Variants in MCTP2 observed in about 807,000 individuals in gnomAD.
The protein encoded by MCTP2 is multiple C2 and transmembrane domain-containing protein 2.
MCTP2 carries 132 observed loss-of-function variants against 111.6 expected under a neutral mutation model. The observed-to-expected ratio is 1.18, with a 90% CI of 1.03 to 1.37. MCTP2 has a LOEUF of 1.37. Among genes scored for constraint, MCTP2 ranks in the 40% most tolerant of loss-of-function variants. The pLI is 0.00. For missense variants in MCTP2, 1,183 were observed against 1,067.9 expected (o/e 1.11, Z -1.50); for synonymous variants, 395 against 387.7 (o/e 1.02, Z -0.22).
At chr15:94,429,389 A>G (rs2083055998) in intron 17 of MCTP2, among the ~76,000 whole-genome samples, 1 of 152,148 alleles carries the variant, frequency 6.6e-6, no homozygotes, top group South Asian at 2.1e-4. Context: ...TCAAAGAGTT[A>G]TGTCTCCTGT....
chr15:94,424,232 C>T (rs957973091), intron 17 of MCTP2, among the ~76,000 whole-genome samples: 1 of 152,000 alleles, frequency 6.6e-6, no homozygotes, highest in African/African-American at 2.4e-5. Context: ...TAGCGTATAG[C>T]TGTATGAGTA....
chr15:94,303,139 A>AGTT, intron 2 of MCTP2, among the ~76,000 whole-genome samples: 4 of 147,214 alleles, frequency 2.7e-5, no homozygotes, highest in Admixed American at 6.8e-5. Flanking sequence ...GTTTATATAT[A>AGTT]TATATATATA....
rs1289234134 is a variant in MCTP2, at chr15:94,470,352, C to A, written c.2380C>A (p.Pro794Thr). The A allele has an allele frequency of 4.4e-6, 7 of 1,603,464 alleles. No homozygotes were observed. In the South Asian group the frequency reaches 4.4e-5, roughly 10 times the overall value. Residue 794 changes from proline (P) to threonine (T), a missense_variant, in exon 21 of 23, where the codon CCC (proline) becomes ACC (threonine). Physicochemically the swap from Pro to Thr is conservative, Grantham distance 38. Transcript: ENST00000357742. ...CTACAGCACATTTAACTGGACGGTCCCCTTCCTTTCATCTCTGGCCTGTTT... is the reference window on the plus strand; with the variant it reads ...CTACAGCACATTTAACTGGACGGTCACCTTCCTTTCATCTCTGGCCTGTTT... The part of the protein sequence containing the change: ...RIKNTFNWTV[P>T]FLSSLACLIL...
At chr15:94,303,148 T>G (rs2075723096) in intron 2 of MCTP2, among the ~76,000 whole-genome samples, 1 of 119,016 alleles carries the variant, frequency 8.4e-6, no homozygotes, top group Admixed American at 8.9e-5. Context: ...TATATATATA[T>G]AGTTCTGTCT....
At chr15:94,289,075 GAAA>G (rs1190736168) in intron 1 of MCTP2, among the ~76,000 whole-genome samples, 2 of 152,186 alleles carry the variant, frequency 1.3e-5, no homozygotes, top group East Asian at 3.8e-4. Flanking sequence ...AAGGAAAGGA[GAAA>G]GTGAGTAAGC....
chr15:94,307,361 G>T (rs2075932148), intron 2 of MCTP2, among the ~76,000 whole-genome samples: 1 of 152,104 alleles, frequency 6.6e-6, no homozygotes, highest in Admixed American at 6.5e-5. Context: ...GAGGAGGTGA[G>T]GAAGTGGGTT....
chr15:94,412,810 C>G (rs1216672480), intron 17 of MCTP2, among the ~76,000 whole-genome samples: 1 of 152,028 alleles, frequency 6.6e-6, no homozygotes, highest in Non-Finnish European at 1.5e-5. Context: ...CCGAGACCCT[C>G]AATTTTTTTT....
Position 94,369,710 on chromosome 15 carries a change from G to C in MCTP2, c.1489-377G>C, listed in dbSNP as rs530828868. Among the ~76,000 whole-genome samples the C allele has an allele frequency of 3.9e-5, 6 of 152,282 alleles. No individual in the cohort carries two copies. In the South Asian group the frequency reaches 1.0e-3, roughly 26 times the overall value. The stretch of plus-strand genomic sequence containing the variant: ...TTTGTACTAACTAGGTCAGAATAAT[G>C]TTGTGTTTCAGAGTGATTTAACAGT... On this transcript the variant is annotated intron_variant, in intron 11 of 22. Transcript: ENST00000357742.
At chr15:94,342,646 A>G (rs2077714487) in intron 7 of MCTP2, 1 of 151,670 alleles carries the variant, frequency 6.6e-6, no homozygotes, top group Non-Finnish European at 1.5e-5. Flanking sequence ...TTGTCTCCAT[A>G]TATACGCATA....
At chr15:94,296,375 C>A (rs1265384237) in intron 1 of MCTP2, among the ~76,000 whole-genome samples, 2 of 152,156 alleles carry the variant, frequency 1.3e-5, no homozygotes, top group Non-Finnish European at 2.9e-5. Flanking sequence ...TGACCCAATA[C>A]AAAGTAATTG....
intron 1 of MCTP2, among the ~76,000 whole-genome samples, chr15:94,279,127 A>AG (rs1316845071): frequency 3.9e-5 from 6 of 152,152 alleles, no homozygotes; most frequent in Admixed American, 2.0e-4. Flanking sequence ...TAGGAATTTT[A>AG]GAATAGTTTT....
rs367759823 is a variant in MCTP2 at position 94,481,822 on chromosome 15, C to T, written c.*2788C>T. Reference sequence around the variant, plus strand: ...TAAATACATGTTTAACAGGCCAGGTCGTAGAGATTATTTTTCTTTCTCTGC... The same window carrying T: ...TAAATACATGTTTAACAGGCCAGGTTGTAGAGATTATTTTTCTTTCTCTGC... On this transcript the variant is annotated 3_prime_UTR_variant, in exon 23 of 23. Coordinates refer to ENST00000357742, the MANE Select transcript of MCTP2 (RefSeq NM_001385001.1). 2.6e-5 allele frequency: 4 copies of T among 152,222 alleles called. No individual in the cohort carries two copies. Among genetic ancestry groups the T allele is most frequent in the Non-Finnish European group, 5.9e-5 (4 of 68,052 alleles). 9.4% of individuals were successfully genotyped at this position (152,222 alleles called of 1,614,324 possible). A position where few individuals can be genotyped will look rare whatever the true frequency, so the allele number is the denominator to read the frequency against.
intron 4 of MCTP2, among the ~76,000 whole-genome samples, chr15:94,335,514 G>T (rs938679912): frequency 1.3e-5 from 2 of 152,008 alleles, no homozygotes; most frequent in African/African-American, 4.8e-5. Context: ...ATAATAAAGG[G>T]GCTCATTTAA....
intron 17 of MCTP2, among the ~76,000 whole-genome samples, chr15:94,410,281 A>G (rs2152484788): frequency 6.6e-6 from 1 of 152,248 alleles, no homozygotes. Flanking sequence ...GTTCAATGAC[A>G]GGGTGGAAAT....
intron 21 of MCTP2, among the ~76,000 whole-genome samples, chr15:94,473,498 T>G (rs2074096208): frequency 6.6e-6 from 1 of 152,234 alleles, no homozygotes; most frequent in African/African-American, 2.4e-5. Context: ...GTCACTTACA[T>G]GAAGTATGTA....
At chr15:94,461,452 T>TC (rs1243844047) in intron 20 of MCTP2, among the ~76,000 whole-genome samples, 1 of 152,062 alleles carries the variant, frequency 6.6e-6, no homozygotes, top group Non-Finnish European at 1.5e-5. Flanking sequence ...AGAGTGAGAC[T>TC]CCAGCTCAAA....
chr15:94,418,252 C>G (rs1316100033), intron 17 of MCTP2, among the ~76,000 whole-genome samples: 1 of 152,084 alleles, frequency 6.6e-6, no homozygotes, highest in Non-Finnish European at 1.5e-5. Flanking sequence ...TGGACTTCTC[C>G]CATGGAGGGC....
chr15:94,267,115 A>G (rs903151828), intron 1 of MCTP2, among the ~76,000 whole-genome samples: 1 of 152,232 alleles, frequency 6.6e-6, no homozygotes, highest in African/African-American at 2.4e-5. Flanking sequence ...TGTTAGGTAG[A>G]TGGCTGTTGG....
intron 8 of MCTP2, among the ~76,000 whole-genome samples, chr15:94,353,858 T>C (rs1486163277): frequency 1.3e-5 from 2 of 152,228 alleles, no homozygotes; most frequent in Non-Finnish European, 2.9e-5. Flanking sequence ...AGTATATCGA[T>C]ATCTATATAA....
Sources: gnomAD v4.1 joint callset for allele counts (sites outside exome capture counted in the v4.1 genomes callset) on GRCh38, gnomAD v4.1.1 for gene constraint, MANE v1.5 for transcripts, NCBI Gene and HGNC (gene_info 2026-07-23, HGNC 2026-07-21) for gene names.